PDZRN4: variants seen among roughly 807,000 people sequenced by gnomAD.
PDZRN4 encodes PDZ domain-containing RING finger protein 4.
A neutral mutation model predicts 99.0 loss-of-function variants in PDZRN4; 70 were observed. The ratio of observed to expected loss-of-function variants is 0.71; its 90% CI spans 0.58 to 0.86. PDZRN4 has a LOEUF of 0.86. PDZRN4 is among the 40% of genes least tolerant of loss of function. The pLI is 0.00. For synonymous variants in PDZRN4, 551 were observed against 501.6 expected, an observed-to-expected ratio of 1.10 and a Z score of -1.32; for missense variants, 1,474 against 1,331.2, an observed-to-expected ratio of 1.11 and a Z score of -1.67.
intron 3 of PDZRN4, among the ~76,000 whole-genome samples, chr12:41,427,695 A>C (rs1952548951): frequency 6.6e-6 from 1 of 152,196 alleles, no homozygotes; most frequent in African/African-American, 2.4e-5. Flanking sequence ...CAACCATATG[A>C]GGACCATTTT....
chr12:41,292,501 C>A (rs1951462802), intron 3 of PDZRN4, among the ~76,000 whole-genome samples: 2 of 152,076 alleles, frequency 1.3e-5, no homozygotes, highest in African/African-American at 2.4e-5. Flanking sequence ...GAGGTTTTTT[C>A]TTGATTTGAT....
intron 7 of PDZRN4, among the ~76,000 whole-genome samples, chr12:41,557,647 G>T (rs534975188): frequency 6.6e-6 from 1 of 151,368 alleles, no homozygotes; most frequent in African/African-American, 2.4e-5. Flanking sequence ...TCTCCTCACC[G>T]CCTGTTCTTC....
At chr12:41,295,761 G>C (rs1951488934) in intron 3 of PDZRN4, among the ~76,000 whole-genome samples, 1 of 152,148 alleles carries the variant, frequency 6.6e-6, no homozygotes, top group Admixed American at 6.6e-5. Flanking sequence ...TATCAGAGCA[G>C]CACGAATTCT....
chr12:41,526,058 A>G (rs1938563052), intron 5 of PDZRN4, among the ~76,000 whole-genome samples: 1 of 152,154 alleles, frequency 6.6e-6, no homozygotes, highest in South Asian at 2.1e-4. Context: ...TAATCTCAAC[A>G]ACACCTGGTG....
At chr12:41,193,996 G>A in intron 2 of PDZRN4, 85 bp from the exon 3 acceptor site, 1 of 681,460 alleles carries the variant, frequency 1.5e-6, no homozygotes, top group Non-Finnish European at 2.6e-6. Flanking sequence ...ACAGAGGATT[G>A]GTAATGTTAC....
chr12:41,266,050 G>A (rs1164353212), intron 3 of PDZRN4, among the ~76,000 whole-genome samples: 1 of 11,604 alleles, frequency 8.6e-5, no homozygotes, highest in Non-Finnish European at 2.3e-4. Flanking sequence ...GGTGGCTCAC[G>A]CCTGTAATCC....
intron 3 of PDZRN4, among the ~76,000 whole-genome samples, chr12:41,272,972 T>C (rs1213673910): frequency 1.3e-5 from 2 of 151,988 alleles, no homozygotes; most frequent in Non-Finnish European, 2.9e-5. Flanking sequence ...TAGGAGGAAA[T>C]TGAATTCTGC....
At chr12:41,321,033 C>G (rs1312274376) in intron 3 of PDZRN4, among the ~76,000 whole-genome samples, 1 of 151,698 alleles carries the variant, frequency 6.6e-6, no homozygotes, top group African/African-American at 2.4e-5. Flanking sequence ...ATAATCATAC[C>G]CCTGAAACAT....
chr12:41,458,980 T>G (rs1468481894), intron 3 of PDZRN4, among the ~76,000 whole-genome samples: 1 of 151,628 alleles, frequency 6.6e-6, no homozygotes, highest in East Asian at 1.9e-4. Flanking sequence ...GAAGGGCAGA[T>G]CTTTGGGAGT....
chr12:41,274,405 G>A (rs958798775), intron 3 of PDZRN4, among the ~76,000 whole-genome samples: 6 of 152,116 alleles, frequency 3.9e-5, no homozygotes, highest in African/African-American at 1.4e-4. Flanking sequence ...ATTATAAATG[G>A]AAAACGCTTA....
chr12:41,396,764 C>T (rs1386407269), intron 3 of PDZRN4, among the ~76,000 whole-genome samples: 1 of 152,096 alleles, frequency 6.6e-6, no homozygotes, highest in Non-Finnish European at 1.5e-5. Flanking sequence ...TATTCTTTAA[C>T]TAGAAGATCT....
intron 3 of PDZRN4, among the ~76,000 whole-genome samples, chr12:41,378,157 C>T (rs1952095356): frequency 6.6e-6 from 1 of 152,088 alleles, no homozygotes; most frequent in Non-Finnish European, 1.5e-5. Context: ...TCATTCTATA[C>T]CCAATTTGTT....
intron 3 of PDZRN4, among the ~76,000 whole-genome samples, chr12:41,437,002 A>G (rs1377295749): frequency 2.0e-5 from 3 of 152,200 alleles, no homozygotes; most frequent in African/African-American, 7.2e-5. Context: ...ATACAAATCT[A>G]CATGCGTTAT....
At chr12:41,242,740 G>A (rs1951108974) in intron 3 of PDZRN4, among the ~76,000 whole-genome samples, 1 of 152,072 alleles carries the variant, frequency 6.6e-6, no homozygotes, top group Non-Finnish European at 1.5e-5. Flanking sequence ...ATGTCAGTTA[G>A]ATAAAACTGC....
chr12:41,426,329 G>A (rs993583735), intron 3 of PDZRN4, among the ~76,000 whole-genome samples: 9 of 152,112 alleles, frequency 5.9e-5, no homozygotes, highest in Non-Finnish European at 2.9e-5. Flanking sequence ...TGTCCCACAG[G>A]TCTAGTAAGA....
At position 41,353,552 on chromosome 12, in the gene PDZRN4, G is replaced by A. The variant is rs975777662; in HGVS notation, c.844-152904G>A. Among the ~76,000 whole-genome samples the A allele has an allele frequency of 3.3e-5, 5 of 152,204 alleles. No individual in the cohort carries two copies. The East Asian group carries it at 7.8e-4, about 24-fold the overall frequency. The stretch of plus-strand genomic sequence containing the variant: ...AGTTGTAATGAGACATGAATTTGGA[G>A]AGCAAGGGCACCTACATCCAGTCTG... On this transcript the variant is annotated intron_variant, in intron 3 of 9. Coordinates refer to ENST00000402685, the MANE Select transcript of PDZRN4 (RefSeq NM_001164595.2).
intron 6 of PDZRN4, among the ~76,000 whole-genome samples, chr12:41,553,418 T>A (rs753602048): frequency 6.6e-6 from 1 of 152,128 alleles, no homozygotes; most frequent in Non-Finnish European, 1.5e-5. Context: ...TGGGAAGGAA[T>A]GTTTTTAAAA....
intron 3 of PDZRN4, among the ~76,000 whole-genome samples, chr12:41,329,015 G>A (rs1056516079): frequency 2.0e-5 from 3 of 152,056 alleles, no homozygotes; most frequent in Non-Finnish European, 2.9e-5. Context: ...AGCAAACTTG[G>A]GCTTGAGGTG....
rs1356761598 is a variant in PDZRN4 at position 41,242,469 on chromosome 12, T to A, written c.843+48281T>A. On this transcript the variant is annotated intron_variant, in intron 3 of 9. Transcript: ENST00000402685. ...GGATGCGATGTTAATAATACCTCGC[T>A]GGTTACACAACTATCCACACAATCT... Among the ~76,000 whole-genome samples, 3 of 152,208 alleles carry A rather than the reference T, an allele frequency of 2.0e-5. No homozygotes were observed. The East Asian group carries it at 5.8e-4, about 29-fold the overall frequency.
Sources: gnomAD v4.1 joint callset for allele counts (sites outside exome capture counted in the v4.1 genomes callset) on GRCh38, gnomAD v4.1.1 for gene constraint, MANE v1.5 for transcripts, NCBI Gene and HGNC (gene_info 2026-07-23, HGNC 2026-07-21) for gene names.